The following RYK variants were observed in gnomAD, a reference collection of about 807,000 sequenced individuals.
RYK encodes the protein receptor like tyrosine kinase, also known as inactive tyrosine-protein kinase RYK.
Under a neutral mutation model 70.2 loss-of-function variants are expected in RYK, and 21 were observed. The observed-to-expected ratio is 0.30, with a 90% CI of 0.21 to 0.43. RYK has a LOEUF of 0.43. RYK is among the 20% of genes least tolerant of loss of function. RYK has a pLI of 1.00. For missense variants in RYK, 604 were observed against 753.3 expected, an observed-to-expected ratio of 0.80 and a Z score of 2.32; for synonymous variants, 267 against 278.0, an observed-to-expected ratio of 0.96 and a Z score of 0.39.
chr3:134,196,582 A>AACACACACACACACACAC (rs57185535), intron 6 of RYK, among the ~76,000 whole-genome samples: 61 of 128,392 alleles, frequency 4.8e-4, no homozygotes, highest in Non-Finnish European at 6.0e-4. Context: ...TCTGAAACAA[A>AACACACACACACACACAC]ACACACACAC....
intron 2 of RYK, among the ~76,000 whole-genome samples, chr3:134,215,546 G>T (rs2014525016): frequency 6.6e-6 from 1 of 152,100 alleles, no homozygotes; most frequent in African/African-American, 2.4e-5. Context: ...GCAGTTTCTG[G>T]GATTAGAGAA....
chr3:134,244,058 C>G (rs1474370578), intron 1 of RYK, among the ~76,000 whole-genome samples: 1 of 152,198 alleles, frequency 6.6e-6, no homozygotes, highest in Admixed American at 6.5e-5. Context: ...ACATTCTTGA[C>G]TTTTCCAGAA....
At chr3:134,211,061 G>C (rs2014377914) in intron 3 of RYK, among the ~76,000 whole-genome samples, 1 of 152,220 alleles carries the variant, frequency 6.6e-6, no homozygotes, top group South Asian at 2.1e-4. Flanking sequence ...AACAAGGCTA[G>C]ACAGGCAGGC....
chr3:134,196,640 A>C (rs1435545807), intron 6 of RYK, among the ~76,000 whole-genome samples: 1 of 150,558 alleles, frequency 6.6e-6, no homozygotes, highest in East Asian at 2.0e-4. Context: ...GCTGCTATGT[A>C]ATCTATAACA....
At chr3:134,160,881 G>T (rs1250622436) in intron 13 of RYK, among the ~76,000 whole-genome samples, 1 of 152,082 alleles carries the variant, frequency 6.6e-6, no homozygotes, top group Non-Finnish European at 1.5e-5. Flanking sequence ...ATTAAAAACT[G>T]TCATGGAAAG....
chr3:134,222,837 T>C (rs1375950422), intron 1 of RYK, among the ~76,000 whole-genome samples: 1 of 152,178 alleles, frequency 6.6e-6, no homozygotes, highest in African/African-American at 2.4e-5. Flanking sequence ...TGTGATGCTC[T>C]TTCTTCTGGA....
intron 1 of RYK, among the ~76,000 whole-genome samples, chr3:134,232,140 G>GTCAT (rs1245782533): frequency 2.0e-5 from 3 of 152,122 alleles, no homozygotes; most frequent in Admixed American, 2.0e-4. Context: ...TGCTCCCAGG[G>GTCAT]TCATTCTGTC....
rs1160855083 is a variant in RYK at position 134,158,020 on chromosome 3, A to G, written c.*133T>C. 1 of 419,942 alleles carries G rather than the reference A, an allele frequency of 2.4e-6. No homozygotes were observed. Among genetic ancestry groups the G allele is most frequent in the Non-Finnish European group, 4.2e-6 (1 of 239,708 alleles). 26.0% of individuals were successfully genotyped at this position (419,942 alleles called of 1,614,324 possible). A position where few individuals can be genotyped will look rare whatever the true frequency, so the allele number is the denominator to read the frequency against. On this transcript the variant is annotated 3_prime_UTR_variant, in exon 15 of 15. Coordinates refer to ENST00000623711, the MANE Select transcript of RYK (RefSeq NM_002958.4). ...TCTTAAAAAGTTCAGATTCTAAAGC[A>G]TTTCTAAGGCACGGTGTTCTGGAAG...
chr3:134,191,494 G>A (rs1327051001), intron 8 of RYK, among the ~76,000 whole-genome samples: 3 of 152,108 alleles, frequency 2.0e-5, no homozygotes, highest in African/African-American at 7.2e-5. Context: ...CATTCCTTCC[G>A]CTACAACCCC....
chr3:134,247,591 A>G (rs1404480388), intron 1 of RYK, among the ~76,000 whole-genome samples: 1 of 152,046 alleles, frequency 6.6e-6, no homozygotes, highest in Non-Finnish European at 1.5e-5. Flanking sequence ...AATCCCAACT[A>G]CTGGGGAGGC....
In RYK at chr3:134,157,985, ATTAAGT is replaced by A. The variant is rs2012308020; in HGVS notation, c.*162_*167del. 4 of 401,150 alleles carry A rather than the reference ATTAAGT, an allele frequency of 1.0e-5. No homozygotes were observed. The highest frequency in any genetic ancestry group is 7.1e-5 in the East Asian group (2 of 27,994). The allele number at this position is 401,150 out of a possible 1,614,324, so 24.8% of individuals were successfully genotyped here. A position where few individuals can be genotyped will look rare whatever the true frequency, so the allele number is the denominator to read the frequency against. On this transcript the variant is annotated 3_prime_UTR_variant, in exon 15 of 15. Transcript: ENST00000623711. ...TGATATCTAGAAAATATGCCACATTATTAAGTCTGTCTTAAAAAGTTCAGATTCTAA... is the reference window on the plus strand; with the variant it reads ...TGATATCTAGAAAATATGCCACATTACTGTCTTAAAAAGTTCAGATTCTAA...
At chr3:134,178,190 T>G in intron 10 of RYK, 117 bp from the exon 11 acceptor site, 1 of 741,650 alleles carries the variant, frequency 1.3e-6, no homozygotes, top group Non-Finnish European at 2.1e-6. Context: ...AAAACATGAT[T>G]ACCATTAAAA....
At position 134,204,596 on chromosome 3, in the gene RYK, C is replaced by G. The variant is rs201641364; in HGVS notation, c.644-1722G>C. On this transcript the variant is annotated intron_variant, in intron 5 of 14. Transcript: ENST00000623711. The stretch of plus-strand genomic sequence containing the variant: ...ACCCAATGACACAGCCACAGCCACA[C>G]ACACACACACACACACACACACACA... Among the ~76,000 whole-genome samples the G allele has an allele frequency of 1.3e-4, 11 of 84,778 alleles. 1 individual carries two copies. In the South Asian group the frequency reaches 1.8e-3, roughly 14 times the overall value. 55.6% of individuals were successfully genotyped at this position (84,778 alleles called of 152,430 possible). A position where few individuals can be genotyped will look rare whatever the true frequency, so the allele number is the denominator to read the frequency against.
intron 13 of RYK, among the ~76,000 whole-genome samples, chr3:134,166,607 T>TGGCCAAAAAGGCCA (rs1367786050): frequency 3.9e-5 from 6 of 152,246 alleles, no homozygotes; most frequent in African/African-American, 7.2e-5. Context: ...ATATCTGTTA[T>TGGCCAAAAAGGCCA]TTATGGCACT....
At chr3:134,214,005 C>A (rs2014480637) in intron 2 of RYK, among the ~76,000 whole-genome samples, 1 of 152,074 alleles carries the variant, frequency 6.6e-6, no homozygotes, top group Non-Finnish European at 1.5e-5. Context: ...CGAGATTTCA[C>A]CATGTTGGCC....
chr3:134,181,216 T>C (rs2013283906), intron 10 of RYK: 1 of 152,224 alleles, frequency 6.6e-6, no homozygotes, highest in African/African-American at 2.4e-5. Flanking sequence ...TTAAACACCT[T>C]TGGCCCTTCT....
At position 134,209,703 on chromosome 3, in the gene RYK, C is replaced by A; in HGVS notation, c.581G>T (p.Cys194Phe). 6.8e-7 allele frequency: 1 copy of A among 1,464,318 alleles called. No homozygotes were observed. The highest frequency in any genetic ancestry group is 9.1e-7 in the Non-Finnish European group (1 of 1,100,248). The allele number at this position is 1,464,318 out of a possible 1,614,324, so 90.7% of individuals were successfully genotyped here. The change falls in exon 4 of 15, where the codon TGC becomes TTC. Residue 194 changes from cysteine (C) to phenylalanine (F), a missense_variant. By Grantham distance (205) the Cys-to-Phe change is radical. This residue lies in a region of RYK where 466 missense variants were observed against 535.9 expected (regional missense o/e 0.87). Transcript: ENST00000623711. ...GTAAATAAATTCCTTACTTTTGTAG[C>A]ACATTTTCCTTCGTTTAAAATTTAA... Reference protein sequence around the residue: ...TVLNFKRRKMCYKKLEEVKTS... With the variant: ...TVLNFKRRKMFYKKLEEVKTS...
At chr3:134,216,645 T>C (rs906567649) in intron 2 of RYK, among the ~76,000 whole-genome samples, 3 of 151,464 alleles carry the variant, frequency 2.0e-5, no homozygotes, top group Non-Finnish European at 4.4e-5. Flanking sequence ...ACAAAAAACT[T>C]AGCTGGGCAT....
At position 134,250,525 on chromosome 3, in the gene RYK, C is replaced by CGCCAGG; in HGVS notation, c.124_129dup (p.Pro42_Gly43dup). The CGCCAGG allele has an allele frequency of 8.3e-7, 1 of 1,211,076 alleles. No homozygotes were observed. Among genetic ancestry groups the CGCCAGG allele is most frequent in the Non-Finnish European group, 1.0e-6 (1 of 969,730 alleles). The allele number at this position is 1,211,076 out of a possible 1,614,324, so 75.0% of individuals were successfully genotyped here. On this transcript the variant is annotated inframe_insertion, in exon 1 of 15. Transcript: ENST00000623711. ...GGCCGCGGGGCGGGGGCGGCGGCAGCGCCAGGCGCGGGCAGCAGCGGCAAC... is the reference window on the plus strand; with the variant it reads ...GGCCGCGGGGCGGGGGCGGCGGCAGCGCCAGGGCCAGGCGCGGGCAGCAGCGGCAAC...
Sources: gnomAD v4.1 joint callset for allele counts (sites outside exome capture counted in the v4.1 genomes callset) on GRCh38, gnomAD v4.1.1 for gene constraint, gnomAD v4.1.1 regional missense constraint, MANE v1.5 for transcripts, NCBI Gene and HGNC (gene_info 2026-07-23, HGNC 2026-07-21) for gene names.